Variants in SNRNP200 observed in about 807,000 individuals in gnomAD.
SNRNP200 encodes the protein U5 small nuclear ribonucleoprotein 200 kDa helicase.
Under a neutral mutation model 255.2 loss-of-function variants are expected in SNRNP200, and 66 were observed. The ratio of observed to expected loss-of-function variants is 0.26; its 90% confidence interval spans 0.21 to 0.32. The LOEUF (loss-of-function observed/expected upper bound fraction) is 0.32, where lower values mean the gene tolerates loss of function less well. Ranked by LOEUF, SNRNP200 falls within the 10% of genes least tolerant of loss-of-function variation. The probability of loss-of-function intolerance (pLI) is 1.00; values close to 1 mark genes in which losing one functional copy is unlikely to be tolerated. For missense variants in SNRNP200, 1,585 were observed against 2,749.8 expected, an observed-to-expected ratio of 0.58 and a Z score of 9.47; for synonymous variants, 939 against 1,027.8, an observed-to-expected ratio of 0.91 and a Z score of 1.65.
chr2:96,283,297 T>C lies in SNRNP200; in HGVS notation c.4819A>G (p.Ser1607Gly). ...TTTAGCAGCGTTTCCTTGAGCGTGC[T>C]GTCACTTAGCTTCTCCAGGTACGGA... ...LIPYLEKLSD[S>G]TLKETLLNGV... The change falls in exon 34 of 45, where the codon AGC becomes GGC. Residue 1607 changes from serine to glycine, a missense_variant. Transcript: ENST00000323853. This position sits in a 1 kb window ranked among gnomAD's most constrained non-coding sequence, Gnocchi z 4.7. The C allele has an allele frequency of 6.2e-7, 1 of 1,614,112 alleles. No individual in the cohort carries two copies. The highest frequency in any genetic ancestry group is 8.5e-7 in the Non-Finnish European group (1 of 1,180,034).
At chr2:96,282,114 T>C (rs1394029498) in intron 34 of SNRNP200, 192 bp from the exon 35 acceptor site, 2 of 582,468 alleles carry the variant, frequency 3.4e-6, no homozygotes, top group Non-Finnish European at 6.2e-6. Flanking sequence ...GCTGGTGCCT[T>C]GCTCTGGGAC....
chr2:96,280,564 T>C (rs952053215), intron 35 of SNRNP200, among the ~76,000 whole-genome samples: 1 of 151,976 alleles, frequency 6.6e-6, no homozygotes, highest in Non-Finnish European at 1.5e-5. Flanking sequence ...ACTTCTTTTT[T>C]TTTGAGATGG....
At position 96,297,077 on chromosome 2, in the gene SNRNP200, GA is replaced by G; in HGVS notation, c.1378-8del. On this transcript the variant is annotated splice_region_variant and splice_polypyrimidine_tract_variant and intron_variant, in intron 11 of 44. Coordinates refer to ENST00000323853, the MANE Select transcript of SNRNP200 (RefSeq NM_014014.5). The stretch of plus-strand genomic sequence containing the variant: ...TTTCCACTGGAAGCAGTTGCTAGAA[GA>G]AAAGAAGTGCCATCAATATCATGTT... 2 of 1,614,192 alleles carry G rather than the reference GA, an allele frequency of 1.2e-6. No individual in the cohort carries two copies. The highest frequency in any genetic ancestry group is 2.7e-5 in the African/African-American group (2 of 75,052).
At chr2:96,284,333 T>A (rs777813001) in intron 31 of SNRNP200, 25 bp downstream of exon 31, 11 of 1,593,896 alleles carry the variant, frequency 6.9e-6, no homozygotes, top group Non-Finnish European at 8.6e-6. Flanking sequence ...CAGTCCCTCA[T>A]CTGTGCTGCA....
intron 43 of SNRNP200, chr2:96,276,598 T>A (rs2104329377): frequency 1.1e-5 from 4 of 380,394 alleles, no homozygotes; most frequent in South Asian, 8.3e-5. Context: ...ATTTTTGTAT[T>A]TTTAGTAGAG....
At position 96,303,186 on chromosome 2, in the gene SNRNP200, G is replaced by A. The variant is rs1469339354; in HGVS notation, c.354C>T (p.Ser118=). The change falls in exon 3 of 45, where the codon AGC becomes AGT. Residue 118 remains serine (S), a synonymous_variant. Transcript: ENST00000323853. ...ETRETYEVLL[S]FIQAALGDQP... ...GGTCCCCAAGAGCAGCCTGGATGAA[G>A]CTGAGTAGCACCTCATAGGTCTCCC... The A allele has an allele frequency of 8.7e-6, 14 of 1,614,088 alleles. No individual in the cohort carries two copies. The African/African-American group carries it at 1.9e-4, about 22-fold the overall frequency.
At chr2:96,299,624 TCTA>T (rs919732327) in intron 5 of SNRNP200, among the ~76,000 whole-genome samples, 197 bp from the exon 6 acceptor site, 5 of 152,302 alleles carry the variant, frequency 3.3e-5, no homozygotes, top group Admixed American at 2.0e-4. Flanking sequence ...ATTAGATATA[TCTA>T]CTTTCTATTT....
In SNRNP200 at chr2:96,286,677, G is replaced by A. The variant is rs368061827; in HGVS notation, c.3829+11C>T. The A allele has an allele frequency of 2.0e-4, 317 of 1,612,744 alleles. No homozygotes were observed. The highest frequency in any genetic ancestry group is 2.5e-4 in the Non-Finnish European group (291 of 1,179,866). ...GACTGTTCCTGGGGACTCTGGAGAG[G>A]AGACACTCACAGAGCCAGCGGTCAG... On this transcript the variant is annotated intron_variant, in intron 28 of 44. Transcript: ENST00000323853. The surrounding 1 kb of genome is among the most constrained non-coding windows in gnomAD (Gnocchi z 4.8).
intron 4 of SNRNP200, 24 bp from the exon 5 acceptor site, chr2:96,301,077 A>G (rs763295259): frequency 6.2e-7 from 1 of 1,611,326 alleles, no homozygotes; most frequent in Non-Finnish European, 8.5e-7. Flanking sequence ...GGATTAGAAA[A>G]AGAGGGCAGT....
chr2:96,295,657 C>G lies in SNRNP200; in HGVS notation c.1673G>C (p.Arg558Pro), dbSNP rs761340019. 1.2e-6 allele frequency: 2 copies of G among 1,613,390 alleles called. No homozygotes were observed. The highest frequency in any genetic ancestry group is 3.3e-5 in the Admixed American group (2 of 60,002). Residue 558 changes from arginine to proline, a missense_variant and splice_region_variant, in exon 14 of 45, where the codon CGC becomes CCC. By Grantham distance (103) the Arg-to-Pro change is moderately radical. Transcript: ENST00000323853. ...VQEMVGSFGK[R>P]LATYGITVAE... ...AACAGTGATGCCATAAGTGGCCAGG[C>G]GCTGTGGGAGGAAAACTACATCAGG...
intron 35 of SNRNP200, chr2:96,279,866 C>T (rs915844695): frequency 2.3e-5 from 8 of 344,512 alleles, no homozygotes; most frequent in Non-Finnish European, 4.4e-5. Flanking sequence ...GTAAGTCAAA[C>T]TTCCCAAACT....
chr2:96,286,578 A>G lies in SNRNP200; in HGVS notation c.3830-94T>C, dbSNP rs879779806. On this transcript the variant is annotated intron_variant, in intron 28 of 44. Coordinates refer to ENST00000323853, the MANE Select transcript of SNRNP200 (RefSeq NM_014014.5). The surrounding 1 kb of genome is among the most constrained non-coding windows in gnomAD (Gnocchi z 4.8). ...CATGAACACTGGAAACCTAGGCAGC[A>G]TATGTATCACTCTGTCCCCAGCAAG... is the stretch of plus-strand genomic sequence containing the variant. The G allele has an allele frequency of 1.7e-4, 275 of 1,588,354 alleles. No homozygotes were observed. Among genetic ancestry groups the G allele is most frequent in the Middle Eastern group, 4.4e-4 (2 of 4,496 alleles).
In SNRNP200 at chr2:96,296,602, G is replaced by A. The variant is rs776431181; in HGVS notation, c.1605C>T (p.Asp535=). The change falls in exon 13 of 45, where the codon GAC becomes GAT. Residue 535 remains aspartate (D), a synonymous_variant. Transcript: ENST00000323853. The stretch of plus-strand genomic sequence containing the variant: ...TGGGGGCAATGTAGATAATCTTGAA[G>A]TCATCCACATTGATGGTGCCGTCCA... ...INMDGTINVD[D]FKIIYIAPMR... 6.2e-7 allele frequency: 1 copy of A among 1,614,060 alleles called. No individual in the cohort carries two copies. The highest frequency in any genetic ancestry group is 1.1e-5 in the South Asian group (1 of 91,080).
intron 3 of SNRNP200, among the ~76,000 whole-genome samples, chr2:96,302,463 A>G (rs1357156502): frequency 1.3e-5 from 2 of 152,200 alleles, no homozygotes; most frequent in Non-Finnish European, 2.9e-5. Flanking sequence ...GTTTTTTTCT[A>G]TACTCTCACA....
rs532549897 is a variant in SNRNP200 at position 96,277,465 on chromosome 2, C to T, written c.5931+74G>A. The stretch of plus-strand genomic sequence containing the variant: ...GTTTAACTTACTGAGACTCACCTCC[C>T]GCAACCCACGCTCGGTCCACAACAC... On this transcript the variant is annotated intron_variant, in intron 41 of 44. Coordinates refer to ENST00000323853, the MANE Select transcript of SNRNP200 (RefSeq NM_014014.5). This position sits in a 1 kb window ranked among gnomAD's most constrained non-coding sequence, Gnocchi z 4.4. 42 of 1,573,032 alleles carry T rather than the reference C, an allele frequency of 2.7e-5. No individual in the cohort carries two copies. Among genetic ancestry groups the T allele is most frequent in the Admixed American group, 1.8e-4 (11 of 59,884 alleles).
intron 35 of SNRNP200, chr2:96,281,460 C>T (rs1360120751): frequency 1.2e-5 from 4 of 337,166 alleles, no homozygotes; most frequent in South Asian, 2.4e-5. Flanking sequence ...TGAGCCACTG[C>T]GCTCGGCACT....
intron 36 of SNRNP200, 169 bp downstream of exon 36, chr2:96,279,282 A>C (rs939448738): frequency 2.9e-6 from 2 of 687,194 alleles, no homozygotes; most frequent in Non-Finnish European, 5.2e-6. Flanking sequence ...AGCAAAAGCA[A>C]AAGGCAGCAA....
chr2:96,293,109 A>G lies in SNRNP200; in HGVS notation c.2037-14T>C. On this transcript the variant is annotated splice_polypyrimidine_tract_variant and intron_variant, in intron 15 of 44. Coordinates refer to ENST00000323853, the MANE Select transcript of SNRNP200 (RefSeq NM_014014.5). ...ACTGGACGGAAGCTAGAAGTTCAACAGTTAGACAAATGAGGCTTTGGCAGA... is the reference window on the plus strand; with the variant it reads ...ACTGGACGGAAGCTAGAAGTTCAACGGTTAGACAAATGAGGCTTTGGCAGA... 1.9e-6 allele frequency: 3 copies of G among 1,614,242 alleles called. No individual in the cohort carries two copies. The highest frequency in any genetic ancestry group is 2.5e-6 in the Non-Finnish European group (3 of 1,180,036).
intron 2 of SNRNP200, among the ~76,000 whole-genome samples, chr2:96,303,563 A>G (rs2063966340): frequency 6.6e-6 from 1 of 152,206 alleles, no homozygotes; most frequent in Non-Finnish European, 1.5e-5. Flanking sequence ...TAGATGCACT[A>G]AACATTACAA....
Sources: gnomAD v4.1 joint callset for allele counts (sites outside exome capture counted in the v4.1 genomes callset) on GRCh38, gnomAD v4.1.1 for gene constraint, Gnocchi (gnomAD v3.1) non-coding constraint, MANE v1.5 for transcripts, NCBI Gene and HGNC (gene_info 2026-07-23, HGNC 2026-07-21) for gene names.